Variants in USH2A observed in about 807,000 individuals in gnomAD.
USH2A encodes usherin.
Under a neutral mutation model 538.9 loss-of-function variants are expected in USH2A, and 443 were observed. The ratio of observed to expected loss-of-function variants is 0.82; its 90% CI spans 0.76 to 0.89. USH2A has a LOEUF of 0.89. Ranked by LOEUF, USH2A falls within the 40% of genes least tolerant of loss-of-function variation. The pLI is 0.00. For missense variants in USH2A, 6,633 were observed against 6,324.8 expected (o/e 1.05, Z -1.65); for synonymous variants, 2,413 against 2,273.5 (o/e 1.06, Z -1.75).
intron 30 of USH2A, among the ~76,000 whole-genome samples, chr1:216,049,851 C>T (rs535462566): frequency 9.9e-5 from 15 of 152,208 alleles, no homozygotes; most frequent in Admixed American, 2.0e-4. Flanking sequence ...CAGGCATCTC[C>T]GTGGGCTACT....
chr1:215,839,584 CAAAGGAAAATGA>C (rs1663620071), intron 46 of USH2A, among the ~76,000 whole-genome samples: 1 of 151,984 alleles, frequency 6.6e-6, no homozygotes, highest in African/African-American at 2.4e-5. Flanking sequence ...ATTCATTGGT[CAAAGGAAAATGA>C]CCAATGACTA....
intron 58 of USH2A, among the ~76,000 whole-genome samples, chr1:215,756,726 C>T (rs1264321535): frequency 5.3e-5 from 8 of 152,102 alleles, no homozygotes; most frequent in East Asian, 1.9e-4. Context: ...GAGTTCGAGA[C>T]GAGCCTGGCC....
At chr1:216,297,695 G>C (rs755648422) in intron 9 of USH2A, among the ~76,000 whole-genome samples, 3 of 152,082 alleles carry the variant, frequency 2.0e-5, no homozygotes, top group Admixed American at 1.3e-4. Context: ...ACTGGTCTAC[G>C]ATCTGCTTTG....
At chr1:216,233,049 T>A (rs1285932489) in intron 13 of USH2A, among the ~76,000 whole-genome samples, 2 of 152,318 alleles carry the variant, frequency 1.3e-5, no homozygotes, top group African/African-American at 4.8e-5. Flanking sequence ...CTATTCTTCG[T>A]AGCAGTCTTT....
chr1:215,733,619 T>G (rs572714817), intron 60 of USH2A, among the ~76,000 whole-genome samples: 2 of 152,352 alleles, frequency 1.3e-5, no homozygotes, highest in Middle Eastern at 3.4e-3. Flanking sequence ...AGTTATTTAC[T>G]TCCAAGATAC....
At chr1:215,667,092 A>G (rs1657629113) in intron 64 of USH2A, among the ~76,000 whole-genome samples, 1 of 152,028 alleles carries the variant, frequency 6.6e-6, no homozygotes, top group Non-Finnish European at 1.5e-5. Context: ...GCCATCTCAA[A>G]AAAAGAAAAA....
intron 41 of USH2A, among the ~76,000 whole-genome samples, chr1:215,880,463 G>A (rs1052689150): frequency 6.6e-6 from 1 of 152,162 alleles, no homozygotes; most frequent in African/African-American, 2.4e-5. Flanking sequence ...ACTTTTTGGA[G>A]AGTTCTAAGA....
intron 4 of USH2A, among the ~76,000 whole-genome samples, chr1:216,333,175 G>C (rs1410710109): frequency 6.6e-6 from 1 of 152,018 alleles, no homozygotes; most frequent in Non-Finnish European, 1.5e-5. Flanking sequence ...CAGGCATGGT[G>C]GCTCATGCCT....
At chr1:216,187,075 C>A (rs1281022567) in intron 20 of USH2A, among the ~76,000 whole-genome samples, 5 of 151,984 alleles carry the variant, frequency 3.3e-5, no homozygotes, top group Non-Finnish European at 5.9e-5. Context: ...GAAACTAGCA[C>A]ATTGTATGTG....
chr1:215,656,014 G>A (rs980055074), intron 64 of USH2A, among the ~76,000 whole-genome samples: 7 of 152,280 alleles, frequency 4.6e-5, no homozygotes, highest in South Asian at 4.1e-4. Flanking sequence ...GATTATAGGC[G>A]TAAGCCACCG....
intron 44 of USH2A, among the ~76,000 whole-genome samples, chr1:215,860,619 A>G (rs140171836): frequency 1.3e-5 from 2 of 152,170 alleles, no homozygotes; most frequent in South Asian, 2.1e-4. Flanking sequence ...GAATCACCTT[A>G]TTGCTGTTTA....
At chr1:216,400,302 A>G (rs2039284670) in intron 3 of USH2A, among the ~76,000 whole-genome samples, 1 of 151,702 alleles carries the variant, frequency 6.6e-6, no homozygotes. Flanking sequence ...CAAACTTGCT[A>G]TATGGGTTCA....
intron 35 of USH2A, among the ~76,000 whole-genome samples, chr1:215,975,172 A>T (rs1457703441): frequency 6.6e-6 from 1 of 151,796 alleles, no homozygotes; most frequent in Admixed American, 6.6e-5. Flanking sequence ...CTTTTTAATG[A>T]GGTTATTTGT....
chr1:216,299,501 T>A (rs2037172486), intron 9 of USH2A, among the ~76,000 whole-genome samples: 1 of 152,066 alleles, frequency 6.6e-6, no homozygotes, highest in Non-Finnish European at 1.5e-5. Context: ...ACTAAGATTA[T>A]TGGCTGGGGT....
At position 216,187,035 on chromosome 1, in the gene USH2A, G is replaced by A. The variant is rs555931729; in HGVS notation, c.4396+3188C>T. Among the ~76,000 whole-genome samples the A allele has an allele frequency of 7.8e-4, 119 of 152,004 alleles. 2 individuals carry two copies. The highest frequency in any genetic ancestry group is 7.1e-4 in the Non-Finnish European group (48 of 67,900). ...ATAAATCTCTGCTTTCATTACATCA[G>A]TACTTGGAACAGTGCCAGCCCCTAA... On this transcript the variant is annotated intron_variant, in intron 20 of 71. Coordinates refer to ENST00000307340, the MANE Select transcript of USH2A (RefSeq NM_206933.4).
In USH2A at chr1:215,642,368, G is replaced by A. The variant is rs112839797; in HGVS notation, c.14792-1634C>T. Among the ~76,000 whole-genome samples the A allele has an allele frequency of 3.6e-3, 542 of 152,260 alleles. 4 individuals are homozygous for A. The highest frequency in any genetic ancestry group is 0.013 in the African/African-American group (528 of 41,558). ...GTGGCTGGTAGGAGACCAAGGAGCT[G>A]AACCTAGGCTTGCTTAAATAAGGCC... On this transcript the variant is annotated intron_variant, in intron 67 of 71. Coordinates refer to ENST00000307340, the MANE Select transcript of USH2A (RefSeq NM_206933.4).
At chr1:215,890,639 A>G (rs1665184602) in intron 40 of USH2A, among the ~76,000 whole-genome samples, 1 of 152,204 alleles carries the variant, frequency 6.6e-6, no homozygotes, top group Non-Finnish European at 1.5e-5. Context: ...CTTTCATTTT[A>G]AAGCTTTCTT....
At chr1:215,881,104 C>CTCAA (rs566772874) in intron 41 of USH2A, among the ~76,000 whole-genome samples, 8 of 152,074 alleles carry the variant, frequency 5.3e-5, no homozygotes, top group South Asian at 2.1e-4. Flanking sequence ...GAAACTCCAT[C>CTCAA]TCAATCAATC....
intron 70 of USH2A, among the ~76,000 whole-genome samples, chr1:215,630,482 GTATATATA>G (rs1158726890): frequency 0.03 from 664 of 22,468 alleles, 9 homozygotes; most frequent in African/African-American, 0.043. Context: ...ATGTGTGTGT[GTATATATA>G]TATATATATA....
Sources: allele counts gnomAD v4.1 joint callset (sites outside exome capture counted in the v4.1 genomes callset), GRCh38; gene constraint gnomAD v4.1.1; transcripts MANE v1.5; gene names NCBI Gene and HGNC (gene_info 2026-07-23, HGNC 2026-07-21).